Variants in IRAG2 observed in about 807,000 individuals in gnomAD.
IRAG2 encodes inositol 1,4,5-triphosphate receptor associated 2.
Under a neutral mutation model 69.9 loss-of-function variants are expected in IRAG2, and 45 were observed. That is an observed-to-expected ratio of 0.64 (90% CI 0.51 to 0.83). The LOEUF (loss-of-function observed/expected upper bound fraction) is 0.83. Ranked by LOEUF, IRAG2 falls within the 40% of genes least tolerant of loss-of-function variation. IRAG2 has a pLI of 0.00. For missense variants in IRAG2, 520 were observed against 587.0 expected (o/e 0.89, Z 1.18); for synonymous variants, 193 against 202.4 (o/e 0.95, Z 0.40).
intron 4 of IRAG2, among the ~76,000 whole-genome samples, chr12:25,065,576 G>A (rs1017403588): frequency 1.3e-5 from 2 of 152,172 alleles, no homozygotes; most frequent in African/African-American, 4.8e-5. Context: ...TAAAAGACCC[G>A]ATAGTAAATA....
At chr12:25,030,559 G>A (rs574981656) in intron 10 of IRAG2, among the ~76,000 whole-genome samples, 1 of 152,148 alleles carries the variant, frequency 6.6e-6, no homozygotes, top group South Asian at 2.1e-4. Flanking sequence ...GCTAATTTTT[G>A]TATTTTTAGT....
At chr12:25,043,623 G>A (rs1944768400) in intron 16 of IRAG2, among the ~76,000 whole-genome samples, 1 of 151,920 alleles carries the variant, frequency 6.6e-6, no homozygotes, top group Non-Finnish European at 1.5e-5. Context: ...GGAGTACTAT[G>A]AGATGCATCA....
chr12:25,038,640 C>CAA (rs376380706), intron 16 of IRAG2, among the ~76,000 whole-genome samples: 3,449 of 105,174 alleles, frequency 0.033, 142 homozygotes, highest in African/African-American at 0.11. Flanking sequence ...GACTCCATTT[C>CAA]AAAAAAAAAA....
chr12:25,015,405 A>AG lies in IRAG2; in HGVS notation c.1034dup (p.Glu346ArgfsTer4), dbSNP rs1262042704. 1.4e-5 allele frequency: 17 copies of AG among 1,231,874 alleles called. No homozygotes were observed. In the Admixed American group the frequency reaches 7.2e-4, roughly 52 times the overall value. The allele number at this position is 1,231,874 out of a possible 1,614,324, so 76.3% of individuals were successfully genotyped here. On this transcript the variant is annotated frameshift_variant, in exon 5 of 39. Coordinates refer to the IRAG2 transcript ENST00000636465. LOFTEE classifies it high-confidence loss of function. Reference sequence around the variant, plus strand: ...CATTGGGGAGCTTCGAGGCTTTGGGAGGAGAAACATCTAAAGGAGTCTTGT... The same window carrying AG: ...CATTGGGGAGCTTCGAGGCTTTGGGAGGGAGAAACATCTAAAGGAGTCTTGT...
chr12:25,013,866 C>CTTTT lies in IRAG2; in HGVS notation c.897-1293_897-1290dup, dbSNP rs71063386. ...GGTTTTAATTTTTTGTTTTCTTTTT[C>CTTTT]TTTTTTTTTTTTTTTTTTTTTTTTT... On this transcript the variant is annotated intron_variant, in intron 3 of 38. Transcript: ENST00000636465. 5.9e-3 allele frequency among the ~76,000 whole-genome samples: 467 copies of CTTTT among 79,562 alleles called. 50 individuals are homozygous for CTTTT. Among genetic ancestry groups the CTTTT allele is most frequent in the East Asian group, 8.4e-3 (18 of 2,154 alleles). The allele number at this position is 79,562 out of a possible 152,430, so 52.2% of individuals were successfully genotyped here.
intron 17 of IRAG2, 116 bp from the exon 18 acceptor site, chr12:25,103,717 CTGTT>C (rs1252228716): frequency 1.3e-5 from 9 of 686,042 alleles, no homozygotes; most frequent in Non-Finnish European, 2.2e-5. Context: ...TAAGATATGT[CTGTT>C]TAACTCAGCT....
chr12:25,024,830 C>T (rs752401119), intron 8 of IRAG2, among the ~76,000 whole-genome samples: 1 of 152,168 alleles, frequency 6.6e-6, no homozygotes, highest in Admixed American at 6.5e-5. Context: ...AGATATTTTT[C>T]TCCTCTTATT....
At chr12:25,008,837 A>T (rs1944452543) in intron 2 of IRAG2, among the ~76,000 whole-genome samples, 1 of 152,220 alleles carries the variant, frequency 6.6e-6, no homozygotes, top group South Asian at 2.1e-4. Context: ...ATACTAATGT[A>T]TTCTCTAGTA....
At chr12:25,088,230 T>A in intron 11 of IRAG2, 73 bp downstream of exon 11, 1 of 1,211,740 alleles carries the variant, frequency 8.3e-7, no homozygotes, top group Non-Finnish European at 1.2e-6. Context: ...GAAATCTGTC[T>A]GAATAAAGCT....
chr12:25,082,014 G>A (rs1330335370), intron 9 of IRAG2, among the ~76,000 whole-genome samples: 8 of 152,056 alleles, frequency 5.3e-5, no homozygotes, highest in Admixed American at 5.2e-4. Context: ...CCTGTCCCAG[G>A]TTCCTCAGTA....
intron 20 of IRAG2, among the ~76,000 whole-genome samples, chr12:25,106,345 A>C (rs1949111034): frequency 1.0e-5 from 1 of 97,544 alleles, no homozygotes; most frequent in Non-Finnish European, 2.5e-5. Flanking sequence ...CAACATATAC[A>C]TACATATTTT....
intron 5 of IRAG2, among the ~76,000 whole-genome samples, 196 bp from the exon 6 acceptor site, chr12:25,069,154 C>A (rs1946168802): frequency 6.6e-6 from 1 of 152,166 alleles, no homozygotes; most frequent in African/African-American, 2.4e-5. Flanking sequence ...TGACTGGATT[C>A]TCTGTTGTTT....
At chr12:25,053,806 A>T in intron 1 of IRAG2, among the ~76,000 whole-genome samples, 1 of 150,774 alleles carries the variant, frequency 6.6e-6, no homozygotes, top group East Asian at 1.9e-4. Flanking sequence ...ATAATTATAT[A>T]TTTAATATAT....
intron 14 of IRAG2, among the ~76,000 whole-genome samples, chr12:25,092,206 C>A (rs1948109796): frequency 7.0e-6 from 1 of 142,378 alleles, no homozygotes; most frequent in Non-Finnish European, 1.6e-5. Context: ...TTGAGACCAG[C>A]CTGGCCAACA....
intron 16 of IRAG2, among the ~76,000 whole-genome samples, chr12:25,045,456 G>A (rs949228498): frequency 6.6e-6 from 1 of 151,942 alleles, no homozygotes; most frequent in Non-Finnish European, 1.5e-5. Context: ...AAAACTAAGA[G>A]ATGGATTTTT....
At position 25,106,290 on chromosome 12, in the gene IRAG2, C is replaced by T. The variant is rs144823382; in HGVS notation, c.1149-653C>T. 2.5e-3 allele frequency among the ~76,000 whole-genome samples: 377 copies of T among 149,540 alleles called. 4 individuals carry two copies. Among genetic ancestry groups the T allele is most frequent in the African/African-American group, 8.7e-3 (358 of 40,960 alleles). ...TGTTTTATATATACACATACACACA[C>T]GCACACACAGGTATATGTACACATC... On this transcript the variant is annotated intron_variant, in intron 20 of 21. Transcript: ENST00000556887.
chr12:25,060,931 G>C (rs540974070), intron 1 of IRAG2, among the ~76,000 whole-genome samples: 1 of 151,962 alleles, frequency 6.6e-6, no homozygotes, highest in Non-Finnish European at 1.5e-5. Flanking sequence ...GTCTCTCAAA[G>C]AGCTGAAATT....
At chr12:25,083,572 A>G (rs983070031) in intron 10 of IRAG2, 79 bp downstream of exon 10, 3 of 820,380 alleles carry the variant, frequency 3.7e-6, no homozygotes, top group African/African-American at 1.7e-5. Context: ...AGTAGTCTTA[A>G]AAGTATTATC....
At chr12:25,070,825 C>T (rs1946294222) in intron 6 of IRAG2, among the ~76,000 whole-genome samples, 1 of 152,166 alleles carries the variant, frequency 6.6e-6, no homozygotes, top group Non-Finnish European at 1.5e-5. Context: ...TTAAAGCCAT[C>T]TTTGTGGGTG....
Sources: gnomAD v4.1 joint callset for allele counts (sites outside exome capture counted in the v4.1 genomes callset) on GRCh38, gnomAD v4.1.1 for gene constraint, MANE v1.5 for transcripts, NCBI Gene and HGNC (gene_info 2026-07-23, HGNC 2026-07-21) for gene names.